Variants in ZDHHC15 observed in about 807,000 individuals in gnomAD.
ZDHHC15 encodes the protein palmitoyltransferase ZDHHC15.
ZDHHC15 carries 19 observed loss-of-function variants against 31.7 expected under a neutral mutation model. The ratio of observed to expected loss-of-function variants is 0.60; its 90% confidence interval spans 0.42 to 0.88. ZDHHC15 has a LOEUF of 0.88. Among genes scored for constraint, ZDHHC15 ranks in the 40% least tolerant of loss-of-function variants. The probability of loss-of-function intolerance (pLI) is 0.00; values close to 1 mark genes in which losing one functional copy is unlikely to be tolerated. For missense variants in ZDHHC15, 209 were observed against 251.2 expected, an observed-to-expected ratio of 0.83 and a Z score of 1.14; for synonymous variants, 103 against 90.0, an observed-to-expected ratio of 1.14 and a Z score of -0.82.
At chrX:75,396,249 G>C (rs889514144) in intron 10 of ZDHHC15, among the ~76,000 whole-genome samples, 1 of 111,803 alleles carries the variant, frequency 8.9e-6, no homozygotes, top group Non-Finnish European at 1.9e-5. Context: ...ATACCCATCT[G>C]AGAAGGGATT....
intron 10 of ZDHHC15, among the ~76,000 whole-genome samples, chrX:75,416,081 G>A (rs2083544912): frequency 8.9e-6 from 1 of 112,207 alleles, no homozygotes; most frequent in Admixed American, 9.5e-5. Flanking sequence ...GGAAGTAAGG[G>A]AGTTGCCCTT....
At chrX:75,493,865 T>A (rs1036315750) in intron 2 of ZDHHC15, among the ~76,000 whole-genome samples, 5 of 111,444 alleles carry the variant, frequency 4.5e-5, no homozygotes, top group South Asian at 3.8e-4. Flanking sequence ...CCCTTTGAAA[T>A]CTGGCACAAG....
At chrX:75,435,807 T>C (rs1407133800) in intron 4 of ZDHHC15, among the ~76,000 whole-genome samples, 1 of 112,013 alleles carries the variant, frequency 8.9e-6, no homozygotes, top group African/African-American at 3.2e-5. Flanking sequence ...GTTTTCTTTT[T>C]TAGCTATGTT....
intron 7 of ZDHHC15, among the ~76,000 whole-genome samples, chrX:75,427,091 G>A (rs1282871949): frequency 8.9e-6 from 1 of 111,850 alleles, no homozygotes; most frequent in African/African-American, 3.2e-5. Context: ...CAAAATATAT[G>A]GCAGTGTTTA....
chrX:75,457,222 G>C (rs751845551), intron 3 of ZDHHC15, among the ~76,000 whole-genome samples: 1 of 110,074 alleles, frequency 9.1e-6, no homozygotes, highest in Non-Finnish European at 1.9e-5. Flanking sequence ...ATTTTATTTT[G>C]TACTCCTTTC....
intron 10 of ZDHHC15, among the ~76,000 whole-genome samples, chrX:75,415,689 AG>A (rs2083541496): frequency 8.9e-6 from 1 of 112,532 alleles, no homozygotes; most frequent in Admixed American, 9.4e-5. Context: ...TGAGGGTCAA[AG>A]GATATGAAGA....
Position 75,466,972 on chromosome X carries a change from C to T in ZDHHC15, c.258+11919G>A, listed in dbSNP as rs770161904. On this transcript the variant is annotated intron_variant, in intron 3 of 11. Coordinates refer to ENST00000373367, the MANE Select transcript of ZDHHC15 (RefSeq NM_144969.3). ...CACCTAGGTGATGGGATTATCTGTG[C>T]AGCAAAGCACCATGGCAAACATTTA... Among the ~76,000 whole-genome samples the T allele has an allele frequency of 4.5e-5, 5 of 111,452 alleles. No homozygotes were observed. In the East Asian group the frequency reaches 8.5e-4, roughly 19 times the overall value.
chrX:75,493,362 GA>G, intron 2 of ZDHHC15, among the ~76,000 whole-genome samples: 1 of 111,599 alleles, frequency 9.0e-6, no homozygotes, highest in East Asian at 2.8e-4. Flanking sequence ...GTACAAGGAG[GA>G]GCTGGTACAT....
intron 1 of ZDHHC15, among the ~76,000 whole-genome samples, chrX:75,511,599 A>C (rs2148061656): frequency 9.8e-6 from 1 of 101,611 alleles, no homozygotes; most frequent in South Asian, 5.0e-4. Flanking sequence ...CCATTTGTCA[A>C]TTTTGGCTTT....
intron 10 of ZDHHC15, among the ~76,000 whole-genome samples, chrX:75,411,400 G>C (rs1038363539): frequency 1.8e-5 from 2 of 111,636 alleles, no homozygotes; most frequent in Non-Finnish European, 3.8e-5. Context: ...TTTTAGTAGA[G>C]ATGGGGTTTC....
intron 8 of ZDHHC15, among the ~76,000 whole-genome samples, chrX:75,423,989 G>A (rs181523685): frequency 1.4e-4 from 16 of 111,095 alleles, no homozygotes; most frequent in Non-Finnish European, 2.8e-4. Context: ...CACCATAGAT[G>A]AAATAAAATG....
chrX:75,516,452 C>A (rs1399736561), intron 1 of ZDHHC15, among the ~76,000 whole-genome samples: 2 of 112,325 alleles, frequency 1.8e-5, no homozygotes, highest in Non-Finnish European at 3.8e-5. Flanking sequence ...ACCATCTGCT[C>A]TTTGTCAAAC....
intron 2 of ZDHHC15, among the ~76,000 whole-genome samples, chrX:75,488,799 T>C (rs2084819759): frequency 8.9e-6 from 1 of 111,803 alleles, no homozygotes; most frequent in African/African-American, 3.2e-5. Context: ...GGGCGAGGCA[T>C]TGCCTCACCT....
intron 9 of ZDHHC15, among the ~76,000 whole-genome samples, chrX:75,418,171 C>A (rs1428181867): frequency 9.0e-6 from 1 of 111,599 alleles, no homozygotes; most frequent in Non-Finnish European, 1.9e-5. Context: ...ATCAATATTA[C>A]CCACTGACAT....
chrX:75,507,361 T>A (rs1424560868), intron 1 of ZDHHC15, among the ~76,000 whole-genome samples: 1 of 110,813 alleles, frequency 9.0e-6, no homozygotes, highest in Non-Finnish European at 1.9e-5. Flanking sequence ...CAAGGGAATT[T>A]TTTTTTTTTG....
chrX:75,434,161 G>C (rs768705031), intron 4 of ZDHHC15, among the ~76,000 whole-genome samples: 53 of 111,451 alleles, frequency 4.8e-4, no homozygotes, highest in African/African-American at 1.5e-3. Flanking sequence ...GTTTATTCAG[G>C]TCCTTAGCCC....
chrX:75,369,285 A>C lies in ZDHHC15; in HGVS notation c.*3693T>G, dbSNP rs1341639798. The C allele has an allele frequency of 9.5e-6, 1 of 105,254 alleles. No individual in the cohort carries two copies. The highest frequency in any genetic ancestry group is 1.9e-5 in the Non-Finnish European group (1 of 51,298). 8.7% of individuals were successfully genotyped at this position (105,254 alleles called of 1,213,427 possible). On this transcript the variant is annotated 3_prime_UTR_variant, in exon 12 of 12. Coordinates refer to ENST00000373367, the MANE Select transcript of ZDHHC15 (RefSeq NM_144969.3). ...TAAATTAAAGTATTTGCTCCTGCTG[A>C]AGAGGCAGCCTGCTTTGGAGAAAAT...
chrX:75,456,579 G>A (rs1279492818), intron 3 of ZDHHC15, among the ~76,000 whole-genome samples: 1 of 111,535 alleles, frequency 9.0e-6, no homozygotes, highest in Non-Finnish European at 1.9e-5. Context: ...GGAGAAAGAG[G>A]AATGTTTTTA....
At chrX:75,460,403 C>T (rs1258340654) in intron 3 of ZDHHC15, among the ~76,000 whole-genome samples, 2 of 110,894 alleles carry the variant, frequency 1.8e-5, no homozygotes, top group Non-Finnish European at 3.8e-5. Flanking sequence ...GATGGGTTCC[C>T]TCCAGTAGAG....
Sources: gnomAD v4.1 joint callset for allele counts (sites outside exome capture counted in the v4.1 genomes callset) on GRCh38, gnomAD v4.1.1 for gene constraint, MANE v1.5 for transcripts, NCBI Gene and HGNC (gene_info 2026-07-23, HGNC 2026-07-21) for gene names.